SLC4A8: variants seen among roughly 807,000 people sequenced by gnomAD.
SLC4A8 encodes solute carrier family 4 member 8.
Under a neutral mutation model 125.0 loss-of-function variants are expected in SLC4A8, and 40 were observed. The observed-to-expected ratio is 0.32, with a 90% confidence interval of 0.25 to 0.42. SLC4A8 has a LOEUF of 0.42. Among genes scored for constraint, SLC4A8 ranks in the 10% least tolerant of loss-of-function variants. SLC4A8 has a pLI of 1.00. For missense variants in SLC4A8, 863 were observed against 1,355.1 expected (o/e 0.64, Z 5.70); for synonymous variants, 456 against 476.0 (o/e 0.96, Z 0.55).
chr12:51,505,383 A>G (rs1053501971), intron 23 of SLC4A8, among the ~76,000 whole-genome samples: 1 of 152,230 alleles, frequency 6.6e-6, no homozygotes, highest in African/African-American at 2.4e-5. Flanking sequence ...CTCTGTTGCT[A>G]TGATAGTTAA....
chr12:51,424,882 C>T lies in SLC4A8; in HGVS notation c.-106C>T, dbSNP rs562699933. On this transcript the variant is annotated 5_prime_UTR_variant, in exon 1 of 25. Coordinates refer to ENST00000453097, the MANE Select transcript of SLC4A8 (RefSeq NM_001039960.3). ...GCGGTTGATGGTTGACCGTTGGCTC[C>T]GGGGTGGGGGTCGCCGTTCGAGTGA... 3,508 of 1,246,328 alleles carry T rather than the reference C, an allele frequency of 2.8e-3. 31 individuals carry two copies. The highest frequency in any genetic ancestry group is 0.019 in the South Asian group (1,419 of 74,712). The allele number at this position is 1,246,328 out of a possible 1,614,324, so 77.2% of individuals were successfully genotyped here. A position where few individuals can be genotyped will look rare whatever the true frequency, so the allele number is the denominator to read the frequency against.
At chr12:51,409,370 A>C (rs74645727) in intron 1 of SLC4A8, among the ~76,000 whole-genome samples, 1,549 of 152,084 alleles carry the variant, frequency 0.01, 48 homozygotes, top group East Asian at 0.064. Flanking sequence ...CTTTTCTCTC[A>C]TCTTGTTATC....
intron 1 of SLC4A8, among the ~76,000 whole-genome samples, chr12:51,418,275 A>G (rs1948724915): frequency 6.6e-6 from 1 of 152,182 alleles, no homozygotes. Context: ...AGAGATATCC[A>G]GGGAAAATCA....
intron 1 of SLC4A8, among the ~76,000 whole-genome samples, chr12:51,418,064 C>G (rs1948722111): frequency 6.6e-6 from 1 of 152,200 alleles, no homozygotes; most frequent in South Asian, 2.1e-4. Context: ...TGATCATGCC[C>G]TGTCTCAGAA....
At chr12:51,502,774 G>A (rs1024012233) in intron 22 of SLC4A8, among the ~76,000 whole-genome samples, 8 of 150,532 alleles carry the variant, frequency 5.3e-5, no homozygotes, top group African/African-American at 1.7e-4. Flanking sequence ...AGGTTCAAGC[G>A]ATTCTCCTGC....
At chr12:51,410,518 C>T (rs186937672) in intron 1 of SLC4A8, among the ~76,000 whole-genome samples, 3 of 151,648 alleles carry the variant, frequency 2.0e-5, no homozygotes, top group Admixed American at 6.6e-5. Flanking sequence ...AGTGCAGTGG[C>T]GCGATCTTCG....
intron 11 of SLC4A8, among the ~76,000 whole-genome samples, chr12:51,464,305 C>G (rs955551787): frequency 6.6e-6 from 1 of 152,154 alleles, no homozygotes; most frequent in African/African-American, 2.4e-5. Flanking sequence ...AGAATAATGT[C>G]TGTTCTGTAG....
chr12:51,499,698 G>T (rs1220607653), intron 22 of SLC4A8, among the ~76,000 whole-genome samples: 8 of 151,620 alleles, frequency 5.3e-5, no homozygotes, highest in Admixed American at 5.3e-4. Flanking sequence ...AAGAAGGTAG[G>T]GAGTGAGGGA....
intron 1 of SLC4A8, among the ~76,000 whole-genome samples, chr12:51,438,327 C>T (rs1949486369): frequency 6.6e-6 from 1 of 152,166 alleles, no homozygotes; most frequent in Non-Finnish European, 1.5e-5. Context: ...ATACTTCTTA[C>T]TTCTCTGAGA....
At chr12:51,505,688 C>T (rs1472436101) in intron 23 of SLC4A8, 147 bp from the exon 24 acceptor site, 16 of 473,590 alleles carry the variant, frequency 3.4e-5, no homozygotes, top group Middle Eastern at 3.2e-4. Context: ...GATCAGACTC[C>T]ATCTTGTTCC....
At chr12:51,474,735 T>C (rs1465047658) in intron 15 of SLC4A8, among the ~76,000 whole-genome samples, 2 of 152,168 alleles carry the variant, frequency 1.3e-5, no homozygotes, top group African/African-American at 4.8e-5. Flanking sequence ...TCCAGACATG[T>C]AGGGTTGAAG....
At chr12:51,484,622 C>T (rs7977656) in intron 16 of SLC4A8, among the ~76,000 whole-genome samples, 3,738 of 152,152 alleles carry the variant, frequency 0.025, 77 homozygotes, top group Non-Finnish European at 0.041. Flanking sequence ...GCTAAGGTAC[C>T]GGTGATATTA....
chr12:51,424,750 A>C, upstream of SLC4A8: 2 of 465,630 alleles, frequency 4.3e-6, no homozygotes, highest in Non-Finnish European at 7.6e-6. Flanking sequence ...AGCCCAGGGT[A>C]CCGCCGGACA....
At chr12:51,393,556 G>T (rs1231935721) in intron 1 of SLC4A8, among the ~76,000 whole-genome samples, 3 of 152,192 alleles carry the variant, frequency 2.0e-5, no homozygotes, top group Non-Finnish European at 2.9e-5. Flanking sequence ...AGACTCCAAG[G>T]TAGGTTTGAT....
intron 16 of SLC4A8, among the ~76,000 whole-genome samples, chr12:51,484,636 G>A (rs1247609074): frequency 6.6e-6 from 1 of 152,148 alleles, no homozygotes; most frequent in Non-Finnish European, 1.5e-5. Context: ...GATATTACGT[G>A]TGGCTAAGAT....
At chr12:51,441,207 C>G in intron 2 of SLC4A8, 2 of 982,434 alleles carry the variant, frequency 2.0e-6, no homozygotes, top group Non-Finnish European at 2.4e-6. Flanking sequence ...TATTTTTACC[C>G]CATTTCCAAT....
At chr12:51,429,313 T>G (rs1949109386) in intron 1 of SLC4A8, among the ~76,000 whole-genome samples, 1 of 152,208 alleles carries the variant, frequency 6.6e-6, no homozygotes, top group African/African-American at 2.4e-5. Context: ...TGTGCATTAC[T>G]GTGGCTGTGT....
intron 2 of SLC4A8, among the ~76,000 whole-genome samples, chr12:51,446,081 G>A (rs746936054): frequency 6.6e-6 from 1 of 152,112 alleles, no homozygotes; most frequent in Non-Finnish European, 1.5e-5. Context: ...GTATTTTCAC[G>A]CTATATGCTT....
intron 1 of SLC4A8, among the ~76,000 whole-genome samples, chr12:51,436,630 G>T (rs992142124): frequency 1.3e-5 from 2 of 151,776 alleles, no homozygotes; most frequent in African/African-American, 4.8e-5. Context: ...TATTTAGTTA[G>T]TTAGTTAGTT....
Sources: allele counts gnomAD v4.1 joint callset (sites outside exome capture counted in the v4.1 genomes callset), GRCh38; gene constraint gnomAD v4.1.1; transcripts MANE v1.5; gene names NCBI Gene and HGNC (gene_info 2026-07-23, HGNC 2026-07-21).